Variants in IL1RAPL2 observed in about 807,000 individuals in gnomAD.
IL1RAPL2 encodes the protein interleukin 1 receptor accessory protein like 2, also known as X-linked interleukin-1 receptor accessory protein-like 2.
Under a neutral mutation model 44.1 loss-of-function variants are expected in IL1RAPL2, and 3 were observed. The observed-to-expected ratio is 0.07, with a 90% CI of 0.03 to 0.18. IL1RAPL2 has a LOEUF of 0.18. Among genes scored for constraint, IL1RAPL2 ranks in the 10% least tolerant of loss-of-function variants. IL1RAPL2 has a pLI of 1.00. For synonymous variants in IL1RAPL2, 181 were observed against 178.8 expected (o/e 1.01, Z -0.10); for missense variants, 391 against 496.4 (o/e 0.79, Z 2.02).
At chrX:105,137,984 G>A (rs948901172) in intron 2 of IL1RAPL2, among the ~76,000 whole-genome samples, 4 of 111,843 alleles carry the variant, frequency 3.6e-5, no homozygotes, top group Admixed American at 9.5e-5. Context: ...GAGGTGAGAG[G>A]ATCACTTGAG....
intron 2 of IL1RAPL2, among the ~76,000 whole-genome samples, chrX:104,926,309 C>T (rs1004245455): frequency 8.9e-6 from 1 of 112,039 alleles, no homozygotes; most frequent in Non-Finnish European, 1.9e-5. Flanking sequence ...AGGTGTATTT[C>T]GTGGCACATT....
At chrX:104,658,484 A>G (rs1930318425) in intron 1 of IL1RAPL2, among the ~76,000 whole-genome samples, 1 of 112,105 alleles carries the variant, frequency 8.9e-6, no homozygotes. Context: ...AGGCAGGGGG[A>G]GGAATAGAAT....
intron 2 of IL1RAPL2, among the ~76,000 whole-genome samples, chrX:104,941,646 G>A (rs1925178211): frequency 9.0e-6 from 1 of 111,344 alleles, no homozygotes; most frequent in Admixed American, 9.6e-5. Context: ...CCATTCTGTA[G>A]ATCGCCTGTT....
chrX:104,594,138 A>G (rs1928720429), intron 1 of IL1RAPL2, among the ~76,000 whole-genome samples: 1 of 112,172 alleles, frequency 8.9e-6, no homozygotes, highest in Admixed American at 9.5e-5. Context: ...AGCAGACAAG[A>G]ATACCTGTCA....
At chrX:104,949,144 T>TG (rs1257492168) in intron 2 of IL1RAPL2, among the ~76,000 whole-genome samples, 2 of 110,199 alleles carry the variant, frequency 1.8e-5, no homozygotes, top group African/African-American at 6.6e-5. Flanking sequence ...GGTTTAGTCT[T>TG]GGGAGAGTGT....
At chrX:104,846,531 C>A (rs1215269767) in intron 2 of IL1RAPL2, among the ~76,000 whole-genome samples, 4 of 111,438 alleles carry the variant, frequency 3.6e-5, no homozygotes, top group Admixed American at 2.9e-4. Flanking sequence ...TGAACTCATC[C>A]TTTTTTATGG....
At chrX:104,638,936 T>A (rs1450907622) in intron 1 of IL1RAPL2, among the ~76,000 whole-genome samples, 2 of 112,205 alleles carry the variant, frequency 1.8e-5, no homozygotes, top group Non-Finnish European at 3.8e-5. Context: ...AGCTGTTAGG[T>A]CTAATGCTGA....
chrX:104,704,168 C>T (rs185899948), intron 2 of IL1RAPL2, among the ~76,000 whole-genome samples: 2 of 112,035 alleles, frequency 1.8e-5, no homozygotes, highest in Admixed American at 1.9e-4. Context: ...CGTGTTTTCT[C>T]TGTTATATTT....
chrX:105,483,045 TAA>T (rs5903267), intron 5 of IL1RAPL2, among the ~76,000 whole-genome samples: 7 of 97,065 alleles, frequency 7.2e-5, no homozygotes, highest in Non-Finnish European at 6.3e-5. Flanking sequence ...GTCCTCTCAT[TAA>T]AAAAAAAAAA....
chrX:104,600,087 C>T (rs1928850627), intron 1 of IL1RAPL2, among the ~76,000 whole-genome samples: 1 of 111,949 alleles, frequency 8.9e-6, no homozygotes, highest in Non-Finnish European at 1.9e-5. Context: ...TGGAAATCCT[C>T]ATTAAAATTA....
At chrX:105,439,718 G>T (rs909553108) in intron 5 of IL1RAPL2, among the ~76,000 whole-genome samples, 13 of 111,565 alleles carry the variant, frequency 1.2e-4, no homozygotes, top group Admixed American at 2.9e-4. Context: ...GGCCCAGAGC[G>T]ATGTTTTGTA....
intron 2 of IL1RAPL2, among the ~76,000 whole-genome samples, chrX:105,031,097 T>A (rs1182019972): frequency 1.8e-5 from 2 of 110,652 alleles, no homozygotes; most frequent in East Asian, 2.9e-4. Flanking sequence ...TGATTTTATA[T>A]ACTGAGACTT....
chrX:105,412,529 G>A (rs1168287188), intron 5 of IL1RAPL2, among the ~76,000 whole-genome samples: 1 of 110,111 alleles, frequency 9.1e-6, no homozygotes, highest in Admixed American at 9.8e-5. Context: ...TAGAACAACG[G>A]TAATAAGGGA....
intron 6 of IL1RAPL2, among the ~76,000 whole-genome samples, chrX:105,547,933 T>C (rs1424889171): frequency 1.8e-5 from 2 of 112,367 alleles, no homozygotes; most frequent in Non-Finnish European, 3.8e-5. Context: ...TTAAGTAATC[T>C]GTCACATTCT....
chrX:105,458,838 A>G (rs2036074346), intron 5 of IL1RAPL2, among the ~76,000 whole-genome samples: 2 of 111,602 alleles, frequency 1.8e-5, no homozygotes, highest in Non-Finnish European at 3.8e-5. Context: ...AAGCTTTCAG[A>G]CAGGTCGAAT....
chrX:104,827,997 A>T (rs1215873079), intron 2 of IL1RAPL2, among the ~76,000 whole-genome samples: 1 of 111,475 alleles, frequency 9.0e-6, no homozygotes. Flanking sequence ...GTTCTTCTCT[A>T]AACTGTTTAT....
chrX:104,578,643 C>T (rs1242242713), intron 1 of IL1RAPL2, among the ~76,000 whole-genome samples: 3 of 111,328 alleles, frequency 2.7e-5, no homozygotes, highest in Non-Finnish European at 5.7e-5. Flanking sequence ...TCTAGCATTT[C>T]AGTTGTGCAA....
chrX:105,391,911 C>T (rs1325956800), intron 5 of IL1RAPL2, among the ~76,000 whole-genome samples: 5 of 85,229 alleles, frequency 5.9e-5, no homozygotes, highest in Admixed American at 5.7e-4. Context: ...AACCAAACAC[C>T]GCATATTCTC....
chrX:105,591,478 T>A lies in IL1RAPL2; in HGVS notation c.772+107091T>A, dbSNP rs72618305. Among the ~76,000 whole-genome samples, 48 of 110,956 alleles carry A rather than the reference T, an allele frequency of 4.3e-4. No homozygotes were observed. The South Asian group carries it at 0.018, about 42-fold the overall frequency. ...TGCTAGCTGTGGGGTTGGTTTCCTC[T>A]TGTTTCTCTATTTCCTGCTGGTGTG... is the stretch of plus-strand genomic sequence containing the variant. On this transcript the variant is annotated intron_variant, in intron 6 of 10. Coordinates refer to ENST00000372582, the MANE Select transcript of IL1RAPL2 (RefSeq NM_017416.2).
Sources: allele counts gnomAD v4.1 joint callset (sites outside exome capture counted in the v4.1 genomes callset), GRCh38; gene constraint gnomAD v4.1.1; transcripts MANE v1.5; gene names NCBI Gene and HGNC (gene_info 2026-07-23, HGNC 2026-07-21).